MAZ: variants seen among roughly 807,000 people sequenced by gnomAD.
MAZ encodes myc-associated zinc finger protein.
Under a neutral mutation model 32.7 loss-of-function variants are expected in MAZ, and 4 were observed. That is an observed-to-expected ratio of 0.12 (90% CI 0.06 to 0.28). The LOEUF is 0.28. Ranked by LOEUF, MAZ falls within the 10% of genes least tolerant of loss-of-function variation. The pLI is 1.00. For synonymous variants in MAZ, 510 were observed against 297.6 expected, an observed-to-expected ratio of 1.71 and a Z score of -7.35; for missense variants, 763 against 667.2, an observed-to-expected ratio of 1.14 and a Z score of -1.58.
Position 29,807,109 on chromosome 16 carries a change from C to T in MAZ, c.324C>T (p.Ala108=). The stretch of plus-strand genomic sequence containing the variant: ...CGGCCGCTGCCGCCGCTGCTGCCGC[C>T]GTCGCTGCCGCGCCCCCGGCCCCTG... ...AAAAAAAAAA[A]VAAAPPAPAA... The change falls in exon 2 of 5, where the codon GCC becomes GCT. Residue 108 remains alanine (A), a synonymous_variant. Coordinates refer to ENST00000322945, the MANE Select transcript of MAZ (RefSeq NM_002383.4). 2 of 994,016 alleles carry T rather than the reference C, an allele frequency of 2.0e-6. No individual in the cohort carries two copies. Among genetic ancestry groups the T allele is most frequent in the South Asian group, 4.4e-5 (1 of 22,498 alleles). 61.6% of individuals were successfully genotyped at this position (994,016 alleles called of 1,614,324 possible).
intron 1 of MAZ, 34 bp from the exon 2 acceptor site, chr16:29,806,944 C>T (rs762011955): frequency 1.7e-6 from 2 of 1,145,392 alleles, no homozygotes; most frequent in Non-Finnish European, 2.2e-6. Context: ...CGCCCGCCCG[C>T]ACCCGCGGCC....
rs149337770 is a variant in MAZ, at chr16:29,809,291, C to T, written c.1279+550C>T. The T allele has an allele frequency of 7.2e-5, 40 of 553,138 alleles. No homozygotes were observed. The Admixed American group carries it at 1.4e-3, about 19-fold the overall frequency. 34.3% of individuals were successfully genotyped at this position (553,138 alleles called of 1,614,324 possible). A position where few individuals can be genotyped will look rare whatever the true frequency, so the allele number is the denominator to read the frequency against. On this transcript the variant is annotated intron_variant, in intron 4 of 4. Transcript: ENST00000322945. ...TGTCTCGTCATCCTGGGAGAGGTCT[C>T]CCGGCCATGGAGAATGAGTTCTGTA...
chr16:29,809,812 C>G, intron 4 of MAZ: 1 of 1,075,238 alleles, frequency 9.3e-7, no homozygotes, highest in Non-Finnish European at 1.3e-6. Flanking sequence ...GTGTGGGGGA[C>G]AACGGGGCTC....
In MAZ at chr16:29,810,156, C is replaced by T. The variant is rs1305763010; in HGVS notation, c.1359C>T (p.Pro453=). The T allele has an allele frequency of 1.9e-6, 3 of 1,611,314 alleles. No homozygotes were observed. The highest frequency in any genetic ancestry group is 2.5e-6 in the Non-Finnish European group (3 of 1,178,906). ...AAAAAAVAAP[P]TAVGSLSGAE... ...CAGCGGCAGCAGTAGCAGCCCCTCCCACAGCTGTGGGCTCCCTCTCGGGGG... is the reference window on the plus strand; with the variant it reads ...CAGCGGCAGCAGTAGCAGCCCCTCCTACAGCTGTGGGCTCCCTCTCGGGGG... The change falls in exon 5 of 5, where the codon CCC becomes CCT. Residue 453 remains proline, a synonymous_variant. Coordinates refer to ENST00000322945, the MANE Select transcript of MAZ (RefSeq NM_002383.4).
At chr16:29,808,131 G>T (rs763978838) in intron 2 of MAZ, 99 bp from the exon 3 acceptor site, 7 of 1,157,098 alleles carry the variant, frequency 6.0e-6, no homozygotes, top group Non-Finnish European at 9.0e-6. Context: ...CCTGGGCTCC[G>T]GGAGGAGGCG....
At chr16:29,809,034 A>G (rs1206560104) in intron 4 of MAZ, 5 of 544,316 alleles carry the variant, frequency 9.2e-6, no homozygotes, top group South Asian at 7.8e-5. Context: ...AGCCAGTTCC[A>G]GGGGTCACAA....
Position 29,806,982 on chromosome 16 carries a change from C to T in MAZ, c.197C>T (p.Ala66Val), listed in dbSNP as rs1899517767. ...CTCGGCGCCTTGTCTCCGCAGGCCG[C>T]GCCGGCGCCCCCGCCCACGCCCCAG... ...QGCAQSPFQA[A>V]PAPPPTPQAP... The change falls in exon 2 of 5, where the codon GCG becomes GTG. Residue 66 changes from alanine (A) to valine (V), a missense_variant. By Grantham distance (64) the Ala-to-Val change is moderately conservative. Coordinates refer to ENST00000322945, the MANE Select transcript of MAZ (RefSeq NM_002383.4). 2.0e-6 allele frequency: 2 copies of T among 1,023,768 alleles called. No individual in the cohort carries two copies. Among genetic ancestry groups the T allele is most frequent in the Non-Finnish European group, 2.3e-6 (2 of 858,932 alleles). 63.4% of individuals were successfully genotyped at this position (1,023,768 alleles called of 1,614,324 possible). A position where few individuals can be genotyped will look rare whatever the true frequency, so the allele number is the denominator to read the frequency against.
rs370239621 is a variant in MAZ at position 29,807,625 on chromosome 16, C to A, written c.840C>A (p.Ala280=). The A allele has an allele frequency of 1.9e-6, 3 of 1,612,574 alleles. No homozygotes were observed. Among genetic ancestry groups the A allele is most frequent in the Non-Finnish European group, 1.7e-6 (2 of 1,179,906 alleles). The change falls in exon 2 of 5, where the codon GCC becomes GCA. Residue 280 remains alanine, a synonymous_variant. Coordinates refer to ENST00000322945, the MANE Select transcript of MAZ (RefSeq NM_002383.4). The stretch of plus-strand genomic sequence containing the variant: ...GGAAGCGCATCCGGAAGAACCATGC[C>A]TGCGAGATGTGTGGCAAGGCCTTCC... ...ASGKRIRKNH[A]CEMCGKAFRD...
chr16:29,807,462 A>G lies in MAZ; in HGVS notation c.677A>G (p.Lys226Arg), dbSNP rs1899582080. 6.2e-7 allele frequency: 1 copy of G among 1,612,366 alleles called. No individual in the cohort carries two copies. The highest frequency in any genetic ancestry group is 1.1e-5 in the South Asian group (1 of 91,074). Residue 226 changes from lysine to arginine, a missense_variant, in exon 2 of 5, where the codon AAG becomes AGG. Transcript: ENST00000322945. ...KAGRVPSGAMKMPTMVPLSLL... is the reference protein window; with the variant it reads ...KAGRVPSGAMRMPTMVPLSLL... ...GGCCGGGTCCCCTCGGGTGCTATGA[A>G]GATGCCGACCATGGTGCCCCTGAGC... is the stretch of plus-strand genomic sequence containing the variant.
intron 4 of MAZ, 98 bp downstream of exon 4, chr16:29,808,839 G>A (rs751231016): frequency 8.0e-7 from 1 of 1,255,044 alleles, no homozygotes; most frequent in Non-Finnish European, 1.1e-6. Flanking sequence ...GTAGCCAAGA[G>A]CTCGTGGCGT....
intron 4 of MAZ, chr16:29,809,136 G>C: frequency 2.0e-6 from 1 of 501,620 alleles, no homozygotes; most frequent in Non-Finnish European, 3.5e-6. Context: ...CACGCACCCT[G>C]CACGGGTAGC....
chr16:29,807,034 G>C lies in MAZ; in HGVS notation c.249G>C (p.Val83=). 1 of 1,012,102 alleles carries C rather than the reference G, an allele frequency of 9.9e-7. No individual in the cohort carries two copies. Among genetic ancestry groups the C allele is most frequent in the Non-Finnish European group, 1.2e-6 (1 of 851,394 alleles). The allele number at this position is 1,012,102 out of a possible 1,614,324, so 62.7% of individuals were successfully genotyped here. Residue 83 remains valine, a synonymous_variant, in exon 2 of 5, where the codon GTG becomes GTC. Transcript: ENST00000322945. The part of the protein sequence containing the change: ...PQAPAAEPLQ[V]DLLPVLAAAQ... ...CCCCGGCGGCCGAGCCCCTCCAGGT[G>C]GACTTGCTCCCGGTGCTCGCCGCCG...
Position 29,810,962 on chromosome 16 carries a change from G to A in MAZ, c.*731G>A. On this transcript the variant is annotated 3_prime_UTR_variant, in exon 5 of 5. Coordinates refer to ENST00000322945, the MANE Select transcript of MAZ (RefSeq NM_002383.4). ...CAGGGCCTAGAGGTGCTTCCTGGGG[G>A]CGGGGGAATGCAGCCAGTGTCCCCC... The A allele has an allele frequency of 2.4e-6, 1 of 418,558 alleles. No homozygotes were observed. Among genetic ancestry groups the A allele is most frequent in the Middle Eastern group, 5.4e-4 (1 of 1,866 alleles). The allele number at this position is 418,558 out of a possible 1,614,324, so 25.9% of individuals were successfully genotyped here.
intron 4 of MAZ, 49 bp downstream of exon 4, chr16:29,808,790 T>A: frequency 6.3e-7 from 1 of 1,584,904 alleles, no homozygotes; most frequent in Non-Finnish European, 8.6e-7. Flanking sequence ...GGTGGGCGCC[T>A]GGCCAGACGC....
At chr16:29,808,500 C>T (rs1899688790) in intron 3 of MAZ, 70 bp from the exon 4 acceptor site, 5 of 1,070,018 alleles carry the variant, frequency 4.7e-6, no homozygotes, top group African/African-American at 3.2e-5. Flanking sequence ...TAATCTCTTG[C>T]TCCCCCCTCC....
chr16:29,810,105 GGCAGCGGCA>G lies in MAZ; in HGVS notation c.1311_1319del (p.Ala446_Ala448del), dbSNP rs760562143. On this transcript the variant is annotated inframe_deletion, in exon 5 of 5. Coordinates refer to ENST00000322945, the MANE Select transcript of MAZ (RefSeq NM_002383.4). ...CTGGTGAGGTTTGTCCAATGGCGGCGGCAGCGGCAGCGGCGGCAGCGGCAGCAGCGGCAG... is the reference window on the plus strand; with the variant it reads ...CTGGTGAGGTTTGTCCAATGGCGGCGGCGGCGGCAGCGGCAGCAGCGGCAG... 4.3e-3 allele frequency: 6,704 copies of G among 1,554,300 alleles called. 165 individuals are homozygous for G. In the South Asian group the frequency reaches 0.056, roughly 13 times the overall value.
rs368361570 is a variant in MAZ, at chr16:29,810,124, G to T, written c.1327G>T (p.Ala443Ser). Residue 443 changes from alanine to serine, a missense_variant, in exon 5 of 5, where the codon GCG becomes TCG. Ala to Ser is a moderately conservative substitution (Grantham distance 99). Transcript: ENST00000322945. ...GGCGGCGGCAGCGGCAGCGGCGGCA[G>T]CGGCAGCAGCGGCAGCAGTAGCAGC... ...PMAAAAAAAA[A>S]AAAAAVAAPP... 1.2e-6 allele frequency: 2 copies of T among 1,605,366 alleles called. No homozygotes were observed. The highest frequency in any genetic ancestry group is 2.7e-5 in the African/African-American group (2 of 74,554).
Position 29,808,101 on chromosome 16 carries a change from C to A in MAZ, c.1044-129C>A, listed in dbSNP as rs1273312388. On this transcript the variant is annotated intron_variant, in intron 2 of 4. Transcript: ENST00000322945. ...TGGGCTCCAGGGGAGGGATTTCCTGCTTAAGTGTCGCTGTGACGGCCTGGG... is the reference window on the plus strand; with the variant it reads ...TGGGCTCCAGGGGAGGGATTTCCTGATTAAGTGTCGCTGTGACGGCCTGGG... 28 of 1,003,474 alleles carry A rather than the reference C, an allele frequency of 2.8e-5. No individual in the cohort carries two copies. In the Admixed American group the frequency reaches 5.7e-4, roughly 20 times the overall value. 62.2% of individuals were successfully genotyped at this position (1,003,474 alleles called of 1,614,324 possible).
chr16:29,807,595 C>T lies in MAZ; in HGVS notation c.810C>T (p.Ala270=), dbSNP rs755888807. The part of the protein sequence containing the change: ...VAAGGVVTTT[A]SGKRIRKNHA... ...CCGGTGGCGTGGTGACCACGACCGC[C>T]TCGGGGAAGCGCATCCGGAAGAACC... Residue 270 remains alanine, a synonymous_variant, in exon 2 of 5, where the codon GCC becomes GCT. Transcript: ENST00000322945. 1.1e-5 allele frequency: 17 copies of T among 1,611,916 alleles called. No homozygotes were observed. Among genetic ancestry groups the T allele is most frequent in the African/African-American group, 6.7e-5 (5 of 74,878 alleles).
Sources: gnomAD v4.1 joint callset for allele counts on GRCh38, gnomAD v4.1.1 for gene constraint, MANE v1.5 for transcripts, NCBI Gene and HGNC (gene_info 2026-07-23, HGNC 2026-07-21) for gene names.